The following PDZRN3 variants were observed in gnomAD, a reference collection of about 807,000 sequenced individuals.
PDZRN3 encodes the protein E3 ubiquitin-protein ligase PDZRN3.
Under a neutral mutation model 85.7 loss-of-function variants are expected in PDZRN3, and 38 were observed. That is an observed-to-expected ratio of 0.44 (90% CI 0.34 to 0.58). The LOEUF (loss-of-function observed/expected upper bound fraction) is 0.58. Ranked by LOEUF, PDZRN3 falls within the 20% of genes least tolerant of loss-of-function variation. The pLI is 0.01. For synonymous variants in PDZRN3, 759 were observed against 638.0 expected, an observed-to-expected ratio of 1.19 and a Z score of -2.86; for missense variants, 1,629 against 1,506.4, an observed-to-expected ratio of 1.08 and a Z score of -1.35.
chr3:73,596,782 C>T (rs1475227848), intron 3 of PDZRN3, among the ~76,000 whole-genome samples: 1 of 152,118 alleles, frequency 6.6e-6, no homozygotes, highest in African/African-American at 2.4e-5. Flanking sequence ...TGGAATACAA[C>T]CCATGACAGT....
intron 3 of PDZRN3, among the ~76,000 whole-genome samples, chr3:73,560,494 T>C (rs754356766): frequency 6.0e-4 from 91 of 152,182 alleles, no homozygotes; most frequent in Non-Finnish European, 1.2e-3. Context: ...CACCACTGTA[T>C]ATGTGGTGGA....
Position 73,495,977 on chromosome 3 carries a change from C to T in PDZRN3, c.919-91582G>A, listed in dbSNP as rs554665287. Among the ~76,000 whole-genome samples the T allele has an allele frequency of 5.3e-5, 8 of 151,624 alleles. No homozygotes were observed. The South Asian group carries it at 8.4e-4, about 16-fold the overall frequency. ...TTCCCCCTATCCCCATCCCCCCTGC[C>T]AAGATTTTCAGCACCATATATCTGT... On this transcript the variant is annotated intron_variant, in intron 3 of 9. Transcript: ENST00000263666.
chr3:73,574,157 T>C (rs1292491764), intron 3 of PDZRN3, among the ~76,000 whole-genome samples: 3 of 152,230 alleles, frequency 2.0e-5, no homozygotes, highest in Non-Finnish European at 4.4e-5. Context: ...CCCTGTCCGA[T>C]ATTTGACACT....
intron 3 of PDZRN3, among the ~76,000 whole-genome samples, chr3:73,476,434 C>G (rs1048798723): frequency 2.0e-5 from 3 of 152,148 alleles, no homozygotes; most frequent in Non-Finnish European, 4.4e-5. Context: ...AGAAACCACC[C>G]CCATGATCCA....
At chr3:73,448,668 T>C (rs1043436708) in intron 3 of PDZRN3, among the ~76,000 whole-genome samples, 4 of 152,094 alleles carry the variant, frequency 2.6e-5, no homozygotes, top group African/African-American at 9.7e-5. Flanking sequence ...AAGTGAGCAA[T>C]ATCATGGCAA....
At chr3:73,398,091 A>G (rs960219203) in intron 5 of PDZRN3, among the ~76,000 whole-genome samples, 4 of 151,880 alleles carry the variant, frequency 2.6e-5, no homozygotes, top group Non-Finnish European at 2.9e-5. Flanking sequence ...GTCTGATGGC[A>G]TCCAAGGTCT....
At chr3:73,614,549 GTAAC>G (rs1476285900) in intron 1 of PDZRN3, among the ~76,000 whole-genome samples, 2 of 152,224 alleles carry the variant, frequency 1.3e-5, no homozygotes, top group African/African-American at 4.8e-5. Context: ...TTTGAGAAAT[GTAAC>G]TGACTGACCG....
chr3:73,603,403 G>C (rs542015720), intron 2 of PDZRN3, among the ~76,000 whole-genome samples: 2 of 152,262 alleles, frequency 1.3e-5, no homozygotes, highest in Admixed American at 6.5e-5. Context: ...AACCCTCACA[G>C]CTTGTTCACG....
intron 3 of PDZRN3, among the ~76,000 whole-genome samples, chr3:73,558,010 C>T (rs963186683): frequency 5.9e-5 from 9 of 151,930 alleles, no homozygotes; most frequent in African/African-American, 1.9e-4. Context: ...ACATATTTTC[C>T]TGTATTTTCT....
intron 3 of PDZRN3, among the ~76,000 whole-genome samples, chr3:73,498,009 G>T (rs938055753): frequency 2.0e-5 from 3 of 152,162 alleles, no homozygotes; most frequent in Admixed American, 2.0e-4. Context: ...GAGCTTGCTG[G>T]TTCTAACTCC....
chr3:73,533,920 C>G (rs999959113), intron 3 of PDZRN3, among the ~76,000 whole-genome samples: 1 of 151,982 alleles, frequency 6.6e-6, no homozygotes, highest in Non-Finnish European at 1.5e-5. Flanking sequence ...GTCCCTACCC[C>G]CAATTCCCTA....
chr3:73,512,886 C>T (rs941812622), intron 3 of PDZRN3, among the ~76,000 whole-genome samples: 3 of 152,128 alleles, frequency 2.0e-5, no homozygotes, highest in African/African-American at 7.2e-5. Flanking sequence ...TCTTTAAAAG[C>T]CATTTCTGTA....
intron 1 of PDZRN3, among the ~76,000 whole-genome samples, chr3:73,615,818 A>T (rs973638719): frequency 6.6e-6 from 1 of 152,244 alleles, no homozygotes; most frequent in Non-Finnish European, 1.5e-5. Flanking sequence ...CCTAAGACAG[A>T]GTGGTTTTCA....
intron 3 of PDZRN3, among the ~76,000 whole-genome samples, chr3:73,567,703 T>C (rs1020469068): frequency 2.0e-5 from 3 of 152,204 alleles, no homozygotes; most frequent in African/African-American, 7.2e-5. Context: ...TCAAACAGCC[T>C]TCCTCCAGTC....
intron 1 of PDZRN3, among the ~76,000 whole-genome samples, chr3:73,620,435 G>A (rs1702838999): frequency 6.6e-6 from 1 of 152,332 alleles, no homozygotes; most frequent in East Asian, 1.9e-4. Flanking sequence ...ATGGGAAACT[G>A]AGGCTGGGAG....
intron 3 of PDZRN3, among the ~76,000 whole-genome samples, chr3:73,459,886 C>T (rs1037456217): frequency 2.0e-5 from 3 of 152,156 alleles, no homozygotes; most frequent in African/African-American, 2.4e-5. Flanking sequence ...CCAGCTAATA[C>T]GTGGCAGGCA....
At chr3:73,570,500 A>T (rs775167216) in intron 3 of PDZRN3, among the ~76,000 whole-genome samples, 41 of 152,198 alleles carry the variant, frequency 2.7e-4, no homozygotes, top group Non-Finnish European at 4.3e-4. Context: ...ATATCCCCAG[A>T]TATGTAATAA....
In PDZRN3 at chr3:73,608,608, C is replaced by G. The variant is rs570218240; in HGVS notation, c.800G>C (p.Arg267Pro). 1 of 1,608,710 alleles carries G rather than the reference C, an allele frequency of 6.2e-7. No individual in the cohort carries two copies. The highest frequency in any genetic ancestry group is 1.1e-5 in the South Asian group (1 of 90,734). The change falls in exon 2 of 10, where the codon CGG becomes CCG. Residue 267 changes from arginine (R) to proline (P), a missense_variant. Arg to Pro is a moderately radical substitution (Grantham distance 103). Transcript: ENST00000263666. ...GSLGFNIIGG[R>P]PSVDNHDGSS... ...TAGTAATTAACATACCACACTCGGC[C>G]GGCCACCAATAATATTGAATCCCAG...
intron 3 of PDZRN3, among the ~76,000 whole-genome samples, chr3:73,506,080 T>C (rs1423032730): frequency 6.6e-6 from 1 of 152,110 alleles, no homozygotes; most frequent in African/African-American, 2.4e-5. Context: ...ATCCCCTCCA[T>C]CCATGTGAAA....
Sources: allele counts gnomAD v4.1 joint callset (sites outside exome capture counted in the v4.1 genomes callset), GRCh38; gene constraint gnomAD v4.1.1; transcripts MANE v1.5; gene names NCBI Gene and HGNC (gene_info 2026-07-23, HGNC 2026-07-21).